Variants in BCL2L13 observed in about 807,000 individuals in gnomAD.
BCL2L13 encodes the protein bcl-2-like protein 13.
In BCL2L13, 13 loss-of-function variants were observed where a neutral mutation model predicts 25.8. The observed-to-expected ratio is 0.50, with a 90% CI of 0.33 to 0.80. The LOEUF is 0.80. Ranked by LOEUF, BCL2L13 falls within the 30% of genes least tolerant of loss-of-function variation. BCL2L13 has a pLI of 0.02. For missense variants in BCL2L13, 504 were observed against 574.9 expected, an observed-to-expected ratio of 0.88 and a Z score of 1.26; for synonymous variants, 244 against 230.3, an observed-to-expected ratio of 1.06 and a Z score of -0.54.
In BCL2L13 at chr22:17,709,580, A is replaced by G. The variant is rs1043171931; in HGVS notation, c.600+7194A>G. On this transcript the variant is annotated intron_variant, in intron 6 of 6. Transcript: ENST00000317582. ...TCTGCGCTCCAACCTGGGTGAACAG[A>G]GAGAGACTCTGTCTCAGGAAAGATA... 5.3e-5 allele frequency among the ~76,000 whole-genome samples: 8 copies of G among 152,164 alleles called. No individual in the cohort carries two copies. In the East Asian group the frequency reaches 1.3e-3, roughly 26 times the overall value.
chr22:17,662,334 C>T (rs1047673711), intron 2 of BCL2L13, among the ~76,000 whole-genome samples: 6 of 152,108 alleles, frequency 3.9e-5, no homozygotes, highest in Admixed American at 3.3e-4. Flanking sequence ...AAAAATTAGC[C>T]AGGCATGGTG....
chr22:17,635,233 A>C (rs554742019), upstream of BCL2L13, among the ~76,000 whole-genome samples: 3 of 151,734 alleles, frequency 2.0e-5, no homozygotes, highest in Non-Finnish European at 4.4e-5. Flanking sequence ...ACAAAAAAAA[A>C]ACTAAAAAAT....
At chr22:17,701,306 A>G (rs2060427248) in intron 5 of BCL2L13, among the ~76,000 whole-genome samples, 1 of 152,248 alleles carries the variant, frequency 6.6e-6, no homozygotes, top group South Asian at 2.1e-4. Flanking sequence ...AAAAAAGTAC[A>G]GAAAGATATG....
rs1290415010 is a variant in BCL2L13, at chr22:17,693,377, T to TG, written c.387-2764_387-2763insG. Reference sequence around the variant, plus strand: ...TATTTATTTATTTAGTGTTTGTTTTTTTTTTTTTTTTTTTTTTTTGGAGAC... The same window carrying TG: ...TATTTATTTATTTAGTGTTTGTTTTTGTTTTTTTTTTTTTTTTTTTGGAGAC... On this transcript the variant is annotated intron_variant, in intron 4 of 6. Transcript: ENST00000317582. Among the ~76,000 whole-genome samples, 147 of 82,618 alleles carry TG rather than the reference T, an allele frequency of 1.8e-3. 2 individuals are homozygous for TG. The highest frequency in any genetic ancestry group is 6.2e-3 in the African/African-American group (137 of 22,106). The allele number at this position is 82,618 out of a possible 152,430, so 54.2% of individuals were successfully genotyped here. A position where few individuals can be genotyped will look rare whatever the true frequency, so the allele number is the denominator to read the frequency against.
At position 17,668,850 on chromosome 22, in the gene BCL2L13, C is replaced by G. The variant is rs147307973; in HGVS notation, c.121+13018C>G. ...TGCATAGTACTGTGGTTTCAGTGTC[C>G]CCTCAAATTCATATTGTAACTTAGC... On this transcript the variant is annotated intron_variant, in intron 2 of 6. Transcript: ENST00000317582. Among the ~76,000 whole-genome samples, 266 of 152,084 alleles carry G rather than the reference C, an allele frequency of 1.7e-3. 3 individuals are homozygous for G. Among genetic ancestry groups the G allele is most frequent in the African/African-American group, 5.9e-3 (244 of 41,486 alleles).
At chr22:17,713,396 T>A (rs944802710) in intron 6 of BCL2L13, among the ~76,000 whole-genome samples, 1 of 151,506 alleles carries the variant, frequency 6.6e-6, no homozygotes, top group East Asian at 1.9e-4. Flanking sequence ...TTGTAGAATA[T>A]AGAGCCCATC....
rs182634019 is a variant in BCL2L13 at position 17,663,612 on chromosome 22, A to G, written c.121+7780A>G. ...TTAATTTGGAACATTTCATATTTAC[A>G]TGTTCTATATTTCATCTTCCTTATT... is the stretch of plus-strand genomic sequence containing the variant. On this transcript the variant is annotated intron_variant, in intron 2 of 6. Coordinates refer to ENST00000317582, the MANE Select transcript of BCL2L13 (RefSeq NM_015367.4). Among the ~76,000 whole-genome samples, 741 of 150,756 alleles carry G rather than the reference A, an allele frequency of 4.9e-3. 5 individuals carry two copies. The highest frequency in any genetic ancestry group is 0.016 in the African/African-American group (667 of 41,034).
chr22:17,651,777 G>T (rs893201340), intron 1 of BCL2L13, among the ~76,000 whole-genome samples: 1 of 151,864 alleles, frequency 6.6e-6, no homozygotes, highest in Non-Finnish European at 1.5e-5. Flanking sequence ...TGCAAGCTCC[G>T]CCTCCCGGGT....
intron 5 of BCL2L13, among the ~76,000 whole-genome samples, chr22:17,700,845 T>G (rs1295916899): frequency 6.6e-6 from 1 of 152,242 alleles, no homozygotes; most frequent in African/African-American, 2.4e-5. Flanking sequence ...CCCCCAGGGC[T>G]GCTTTCTCTT....
chr22:17,683,287 AGAG>A lies in BCL2L13; in HGVS notation c.196_198del (p.Glu66del). On this transcript the variant is annotated inframe_deletion, in exon 3 of 7. Transcript: ENST00000317582. ...TAAAAGTTAAAACTGAAATTGAAGA[AGAG>A]CTAAAATCTCTGGACAAAGAAATTT... is the stretch of plus-strand genomic sequence containing the variant. 1 of 1,590,508 alleles carries A rather than the reference AGAG, an allele frequency of 6.3e-7. No homozygotes were observed. The highest frequency in any genetic ancestry group is 8.6e-7 in the Non-Finnish European group (1 of 1,164,264).
chr22:17,677,901 C>T (rs887483632), intron 2 of BCL2L13, among the ~76,000 whole-genome samples: 1 of 151,948 alleles, frequency 6.6e-6, no homozygotes, highest in Admixed American at 6.6e-5. Context: ...CAAAAATTAG[C>T]TGGGCATGGT....
Position 17,728,893 on chromosome 22 carries a change from C to T in BCL2L13, c.*1359C>T, listed in dbSNP as rs1387865384. ...TAATTTTCTTTCCTCTGGCTGATCC[C>T]AGCCCTAAAGGAAGGGTAGACCCGT... is the stretch of plus-strand genomic sequence containing the variant. On this transcript the variant is annotated 3_prime_UTR_variant, in exon 7 of 7. Transcript: ENST00000317582. The T allele has an allele frequency of 6.6e-6, 1 of 152,086 alleles. No homozygotes were observed. The highest frequency in any genetic ancestry group is 2.4e-5 in the African/African-American group (1 of 41,396). 9.4% of individuals were successfully genotyped at this position (152,086 alleles called of 1,614,324 possible).
intron 6 of BCL2L13, among the ~76,000 whole-genome samples, chr22:17,718,395 A>C (rs1290766695): frequency 1.3e-5 from 2 of 152,202 alleles, no homozygotes; most frequent in East Asian, 3.8e-4. Context: ...TGTAGTTTAT[A>C]GTCTTCAGTA....
At chr22:17,701,492 C>T (rs2060433017) in intron 5 of BCL2L13, among the ~76,000 whole-genome samples, 1 of 152,126 alleles carries the variant, frequency 6.6e-6, no homozygotes, top group Non-Finnish European at 1.5e-5. Flanking sequence ...ATGTATTCTT[C>T]TATAACTTGC....
At chr22:17,723,138 A>G (rs1000719906) in intron 6 of BCL2L13, among the ~76,000 whole-genome samples, 10 of 151,988 alleles carry the variant, frequency 6.6e-5, no homozygotes, top group African/African-American at 2.2e-4. Context: ...AGCTGAACCA[A>G]ACCCTCCCTG....
At chr22:17,660,075 C>T (rs2059017668) in intron 2 of BCL2L13, among the ~76,000 whole-genome samples, 1 of 145,450 alleles carries the variant, frequency 6.9e-6, no homozygotes, top group Non-Finnish European at 1.6e-5. Context: ...AGGCTGGTCT[C>T]GAACTCTTGT....
intron 1 of BCL2L13, among the ~76,000 whole-genome samples, chr22:17,639,140 G>T (rs1056795747): frequency 5.9e-5 from 9 of 152,214 alleles, no homozygotes; most frequent in African/African-American, 2.2e-4. Context: ...TGGGGTGCCG[G>T]AGGCGGAGGA....
chr22:17,642,701 C>T (rs760217839), intron 1 of BCL2L13, among the ~76,000 whole-genome samples: 2 of 151,794 alleles, frequency 1.3e-5, no homozygotes, highest in Non-Finnish European at 2.9e-5. Flanking sequence ...TTAAGCGATT[C>T]TCCTGCCTCA....
Position 17,655,663 on chromosome 22 carries a change from T to A in BCL2L13, c.-49T>A. 1 of 1,568,888 alleles carries A rather than the reference T, an allele frequency of 6.4e-7. No individual in the cohort carries two copies. The highest frequency in any genetic ancestry group is 8.6e-7 in the Non-Finnish European group (1 of 1,160,394). ...AAAAAATTACTTTTTTGTTCTTAGG[T>A]TTTACACATCCATAAGTAGACCTTT... is the stretch of plus-strand genomic sequence containing the variant. On this transcript the variant is annotated splice_region_variant and 5_prime_UTR_variant, in exon 2 of 7. Coordinates refer to ENST00000317582, the MANE Select transcript of BCL2L13 (RefSeq NM_015367.4).
Sources: allele counts gnomAD v4.1 joint callset (sites outside exome capture counted in the v4.1 genomes callset), GRCh38; gene constraint gnomAD v4.1.1; transcripts MANE v1.5; gene names NCBI Gene and HGNC (gene_info 2026-07-23, HGNC 2026-07-21).